Variants in ARHGAP26 observed in about 807,000 individuals in gnomAD.
The protein encoded by ARHGAP26 is rho GTPase-activating protein 26.
A neutral mutation model predicts 104.8 loss-of-function variants in ARHGAP26; 38 were observed. The observed-to-expected ratio is 0.36, with a 90% confidence interval of 0.28 to 0.48. The LOEUF is 0.48. Among genes scored for constraint, ARHGAP26 ranks in the 20% least tolerant of loss-of-function variants. The probability of loss-of-function intolerance (pLI) is 0.99; values close to 1 mark genes in which losing one functional copy is unlikely to be tolerated. For synonymous variants in ARHGAP26, 341 were observed against 340.0 expected (o/e 1.00, Z -0.03); for missense variants, 704 against 947.9 (o/e 0.74, Z 3.38).
At chr5:143,020,892 G>A (rs1000113984) in intron 12 of ARHGAP26, among the ~76,000 whole-genome samples, 10 of 152,000 alleles carry the variant, frequency 6.6e-5, no homozygotes, top group Non-Finnish European at 1.2e-4. Context: ...CGCCCATCTC[G>A]GCCTCCCAAA....
chr5:142,831,219 A>C (rs1481339310), intron 1 of ARHGAP26, among the ~76,000 whole-genome samples: 1 of 151,746 alleles, frequency 6.6e-6, no homozygotes, highest in Non-Finnish European at 1.5e-5. Flanking sequence ...AGATCCCAAT[A>C]CTCTGTGCTC....
intron 17 of ARHGAP26, among the ~76,000 whole-genome samples, chr5:143,062,305 ATTCCCTATGTG>A (rs1786829118): frequency 6.6e-6 from 1 of 152,192 alleles, no homozygotes; most frequent in East Asian, 1.9e-4. Flanking sequence ...CCTCTTGCTG[ATTCCCTATGTG>A]TTCTTTTCAT....
At chr5:143,091,665 T>C (rs1029701202) in intron 17 of ARHGAP26, among the ~76,000 whole-genome samples, 1 of 152,234 alleles carries the variant, frequency 6.6e-6, no homozygotes, top group Non-Finnish European at 1.5e-5. Flanking sequence ...GACATAGTTA[T>C]CCAATTTTAA....
intron 12 of ARHGAP26, among the ~76,000 whole-genome samples, chr5:143,015,307 A>G (rs749304574): frequency 6.6e-6 from 1 of 152,248 alleles, no homozygotes; most frequent in Non-Finnish European, 1.5e-5. Context: ...AACAGTAACA[A>G]TAATGAAGGA....
At chr5:142,922,115 A>C (rs747786067) in intron 10 of ARHGAP26, 3 of 152,220 alleles carry the variant, frequency 2.0e-5, no homozygotes, top group Non-Finnish European at 4.4e-5. Flanking sequence ...TACATGCTTC[A>C]AATAAAGATA....
chr5:142,970,109 A>G (rs1247370703), intron 11 of ARHGAP26, among the ~76,000 whole-genome samples: 7 of 152,214 alleles, frequency 4.6e-5, no homozygotes, highest in Admixed American at 3.9e-4. Flanking sequence ...GGGTGCATAT[A>G]AAGTGTTTGT....
chr5:143,029,771 A>G (rs60278493), intron 12 of ARHGAP26, among the ~76,000 whole-genome samples: 13,534 of 152,158 alleles, frequency 0.089, 1,910 homozygotes, highest in African/African-American at 0.3. Context: ...TCTCCCACAA[A>G]AAAGGTTTGG....
chr5:142,932,324 C>T (rs765790883), intron 11 of ARHGAP26, among the ~76,000 whole-genome samples, 199 bp downstream of exon 11: 2 of 152,202 alleles, frequency 1.3e-5, no homozygotes, highest in Admixed American at 6.5e-5. Flanking sequence ...GAGCTTTGGC[C>T]TCTCTGTCCT....
chr5:142,778,446 GT>G (rs999234967), intron 1 of ARHGAP26, among the ~76,000 whole-genome samples: 8 of 152,090 alleles, frequency 5.3e-5, no homozygotes, highest in Non-Finnish European at 7.4e-5. Flanking sequence ...TTTTCTGCGT[GT>G]TTTTTTCATA....
intron 12 of ARHGAP26, among the ~76,000 whole-genome samples, chr5:143,018,307 G>A (rs890714975): frequency 6.6e-6 from 1 of 152,076 alleles, no homozygotes; most frequent in African/African-American, 2.4e-5. Flanking sequence ...TTAATACGTG[G>A]TATCCTTCTT....
At chr5:142,923,299 T>A (rs1763450401) in intron 10 of ARHGAP26, among the ~76,000 whole-genome samples, 1 of 152,178 alleles carries the variant, frequency 6.6e-6, no homozygotes, top group African/African-American at 2.4e-5. Context: ...AATGAGTTTG[T>A]CTTTTTAAAA....
intron 20 of ARHGAP26, among the ~76,000 whole-genome samples, chr5:143,190,613 T>C (rs1805797761): frequency 6.6e-6 from 1 of 152,106 alleles, no homozygotes; most frequent in Admixed American, 6.6e-5. Flanking sequence ...GTTAGGCAAA[T>C]ACTTAGATTT....
At chr5:142,852,521 A>G (rs1426237629) in intron 1 of ARHGAP26, among the ~76,000 whole-genome samples, 1 of 152,260 alleles carries the variant, frequency 6.6e-6, no homozygotes, top group African/African-American at 2.4e-5. Context: ...TCCCTAAATG[A>G]CTAATTATAG....
At chr5:143,006,507 T>C (rs1777994543) in intron 11 of ARHGAP26, among the ~76,000 whole-genome samples, 1 of 152,128 alleles carries the variant, frequency 6.6e-6, no homozygotes, top group Non-Finnish European at 1.5e-5. Context: ...ACTATATTTT[T>C]ATTGGTTTCA....
chr5:142,947,666 G>GT (rs1767366815), intron 11 of ARHGAP26, among the ~76,000 whole-genome samples: 1 of 152,124 alleles, frequency 6.6e-6, no homozygotes, highest in Non-Finnish European at 1.5e-5. Flanking sequence ...AAATTGAGTG[G>GT]TTTTCTGTTA....
At chr5:142,897,925 T>A (rs1179683963) in intron 6 of ARHGAP26, among the ~76,000 whole-genome samples, 1 of 152,182 alleles carries the variant, frequency 6.6e-6, no homozygotes, top group East Asian at 1.9e-4. Context: ...TCTATTGAAC[T>A]AAATTGCTGG....
chr5:143,148,467 A>G (rs1562508857), intron 20 of ARHGAP26, among the ~76,000 whole-genome samples: 2 of 152,224 alleles, frequency 1.3e-5, no homozygotes, highest in Non-Finnish European at 2.9e-5. Context: ...GAGGTACATA[A>G]TAAAAATGTG....
At chr5:142,808,063 G>A (rs375032447) in intron 1 of ARHGAP26, among the ~76,000 whole-genome samples, 3 of 151,386 alleles carry the variant, frequency 2.0e-5, no homozygotes, top group East Asian at 3.9e-4. Flanking sequence ...GTGAAACCCC[G>A]TTTCTACTAA....
rs1597712283 is a variant in ARHGAP26 at position 142,808,242 on chromosome 5, A to G, written c.154+37327A>G. ...AGAGTGAGACATTGTCTCGGAAAAA[A>G]AAAAAAAAAAAAAAAAAAAAAAAAA... On this transcript the variant is annotated intron_variant, in intron 1 of 22. Transcript: ENST00000645722. 3.0e-5 allele frequency among the ~76,000 whole-genome samples: 2 copies of G among 67,544 alleles called. 1 individual carries two copies. Among genetic ancestry groups the G allele is most frequent in the African/African-American group, 3.9e-4 (2 of 5,144 alleles). The allele number at this position is 67,544 out of a possible 152,430, so 44.3% of individuals were successfully genotyped here.
Sources: allele counts gnomAD v4.1 joint callset (sites outside exome capture counted in the v4.1 genomes callset), GRCh38; gene constraint gnomAD v4.1.1; transcripts MANE v1.5; gene names NCBI Gene and HGNC (gene_info 2026-07-23, HGNC 2026-07-21).